Variants in KCNJ3 observed in about 807,000 individuals in gnomAD.
The protein encoded by KCNJ3 is potassium inwardly rectifying channel subfamily J member 3, also known as G protein-activated inward rectifier potassium channel 1.
In KCNJ3, 4 loss-of-function variants were observed where a neutral mutation model predicts 39.2. The ratio of observed to expected loss-of-function variants is 0.10; its 90% confidence interval spans 0.05 to 0.23. The LOEUF (loss-of-function observed/expected upper bound fraction) is 0.23. Among genes scored for constraint, KCNJ3 ranks in the 10% least tolerant of loss-of-function variants. KCNJ3 has a pLI of 1.00. For missense variants in KCNJ3, 276 were observed against 634.9 expected, an observed-to-expected ratio of 0.43 and a Z score of 6.08; for synonymous variants, 230 against 237.4, an observed-to-expected ratio of 0.97 and a Z score of 0.29.
chr2:154,786,547 G>A (rs142896154), intron 2 of KCNJ3, among the ~76,000 whole-genome samples: 4 of 152,276 alleles, frequency 2.6e-5, no homozygotes, highest in Admixed American at 1.3e-4. Context: ...GTTGTTTTCA[G>A]TCAGTCAAAT....
In KCNJ3 at chr2:154,699,529, G is replaced by T; in HGVS notation, c.702+52G>T. On this transcript the variant is annotated intron_variant, in intron 1 of 2. Transcript: ENST00000295101. The surrounding 1 kb of genome is among the most constrained non-coding windows in gnomAD (Gnocchi z 6.4). ...CGGGAGACCTGCGTCCCCCAAACCCGCGGAGTAACTCGTCTGAGAACCAGC... is the reference window on the plus strand; with the variant it reads ...CGGGAGACCTGCGTCCCCCAAACCCTCGGAGTAACTCGTCTGAGAACCAGC... 1.3e-6 allele frequency: 2 copies of T among 1,504,674 alleles called. No homozygotes were observed. The highest frequency in any genetic ancestry group is 4.9e-5 in the East Asian group (2 of 40,812). 93.2% of individuals were successfully genotyped at this position (1,504,674 alleles called of 1,614,324 possible).
intron 2 of KCNJ3, among the ~76,000 whole-genome samples, chr2:154,841,690 T>C (rs77356952): frequency 0.2 from 30,469 of 151,906 alleles, 3,328 homozygotes; most frequent in East Asian, 0.4. Context: ...ATTTATCCAT[T>C]TTTTTTTCTA....
chr2:154,849,057 G>A (rs1027574297), intron 2 of KCNJ3, among the ~76,000 whole-genome samples: 3 of 152,090 alleles, frequency 2.0e-5, no homozygotes, highest in Non-Finnish European at 4.4e-5. Flanking sequence ...AGAGAGATGA[G>A]ATTAACAGCA....
chr2:154,792,801 G>T (rs985179753), intron 2 of KCNJ3, among the ~76,000 whole-genome samples: 1 of 152,056 alleles, frequency 6.6e-6, no homozygotes, highest in Non-Finnish European at 1.5e-5. Context: ...AAAAATATTT[G>T]CTTAGTTTAT....
intron 2 of KCNJ3, among the ~76,000 whole-genome samples, chr2:154,814,857 G>A (rs1574472290): frequency 6.6e-6 from 1 of 152,220 alleles, no homozygotes; most frequent in African/African-American, 2.4e-5. Context: ...GGAACATTTT[G>A]TAATCTTTGT....
chr2:154,822,799 A>C (rs1687206822), intron 2 of KCNJ3, among the ~76,000 whole-genome samples: 1 of 152,022 alleles, frequency 6.6e-6, no homozygotes, highest in African/African-American at 2.4e-5. Flanking sequence ...GTATACCAAA[A>C]ATAGTTGAAT....
intron 2 of KCNJ3, among the ~76,000 whole-genome samples, chr2:154,721,503 A>T (rs1277301282): frequency 6.6e-6 from 1 of 152,160 alleles, no homozygotes; most frequent in African/African-American, 2.4e-5. Flanking sequence ...ATTTGAACTG[A>T]TCATTTAATC....
At chr2:154,820,631 T>G (rs963279520) in intron 2 of KCNJ3, among the ~76,000 whole-genome samples, 1 of 152,164 alleles carries the variant, frequency 6.6e-6, no homozygotes, top group Non-Finnish European at 1.5e-5. Context: ...AGAAACTTTC[T>G]GTCTTCTAGT....
In KCNJ3 at chr2:154,856,355, C is replaced by CAT. The variant is rs1687839095; in HGVS notation, c.*1043_*1044dup. 6.6e-6 allele frequency: 1 copy of CAT among 152,506 alleles called. No individual in the cohort carries two copies. The highest frequency in any genetic ancestry group is 1.5e-5 in the Non-Finnish European group (1 of 67,980). The allele number at this position is 152,506 out of a possible 1,614,324, so 9.4% of individuals were successfully genotyped here. On this transcript the variant is annotated 3_prime_UTR_variant, in exon 3 of 3. Transcript: ENST00000295101. ...TGTTTCAAACTGAGTAAATTGGAAA[C>CAT]ATTTTCTTTCTTTTTCTGGAAATTT...
intron 2 of KCNJ3, among the ~76,000 whole-genome samples, chr2:154,839,343 A>G (rs1370341392): frequency 6.6e-6 from 1 of 152,214 alleles, no homozygotes; most frequent in Non-Finnish European, 1.5e-5. Flanking sequence ...ATTGATGGAC[A>G]TTTGGGTTGG....
chr2:154,699,932 T>C lies in KCNJ3; in HGVS notation c.702+455T>C, dbSNP rs3111032. Reference sequence around the variant, plus strand: ...GCTGAACTTGCCTCAACTTTCACGATGGGCTTTTCTTATTTTTTTCTTTCC... The same window carrying C: ...GCTGAACTTGCCTCAACTTTCACGACGGGCTTTTCTTATTTTTTTCTTTCC... On this transcript the variant is annotated intron_variant, in intron 1 of 2. Coordinates refer to ENST00000295101, the MANE Select transcript of KCNJ3 (RefSeq NM_002239.4). This position sits in a 1 kb window ranked among gnomAD's most constrained non-coding sequence, Gnocchi z 6.4. 0.019 allele frequency among the ~76,000 whole-genome samples: 2,917 copies of C among 152,290 alleles called. 28 individuals carry two copies. The highest frequency in any genetic ancestry group is 0.029 in the South Asian group (141 of 4,834).
intron 2 of KCNJ3, among the ~76,000 whole-genome samples, chr2:154,807,893 C>T (rs951171615): frequency 3.3e-5 from 5 of 152,026 alleles, no homozygotes; most frequent in African/African-American, 9.7e-5. Flanking sequence ...TGTCTCTCCC[C>T]ACTCTATCCC....
At chr2:154,743,105 C>T (rs1283895026) in intron 2 of KCNJ3, among the ~76,000 whole-genome samples, 1 of 151,784 alleles carries the variant, frequency 6.6e-6, no homozygotes, top group Admixed American at 6.6e-5. Context: ...TTTCTTAGCA[C>T]CACTTGTAGC....
intron 2 of KCNJ3, among the ~76,000 whole-genome samples, chr2:154,722,991 A>G (rs1270829370): frequency 6.6e-6 from 1 of 152,140 alleles, no homozygotes; most frequent in Non-Finnish European, 1.5e-5. Context: ...ATGAAAATGC[A>G]GGAAATAGGC....
intron 2 of KCNJ3, among the ~76,000 whole-genome samples, chr2:154,712,830 A>G (rs1400791437): frequency 1.3e-5 from 2 of 152,078 alleles, no homozygotes; most frequent in Admixed American, 6.6e-5. Flanking sequence ...ATAGGGATAA[A>G]GGGTTCCTGT....
intron 2 of KCNJ3, among the ~76,000 whole-genome samples, chr2:154,737,405 G>GTA (rs750957348): frequency 4.6e-5 from 7 of 152,142 alleles, no homozygotes; most frequent in African/African-American, 1.2e-4. Flanking sequence ...ACCTAACAAT[G>GTA]TAAAGTTCAC....
intron 2 of KCNJ3, among the ~76,000 whole-genome samples, chr2:154,710,642 T>C (rs1685089705): frequency 6.6e-6 from 1 of 152,206 alleles, no homozygotes; most frequent in Non-Finnish European, 1.5e-5. Flanking sequence ...TGTATGTGTA[T>C]GTGTGTATTT....
At chr2:154,742,012 G>A (rs1365717179) in intron 2 of KCNJ3, among the ~76,000 whole-genome samples, 1 of 151,644 alleles carries the variant, frequency 6.6e-6, no homozygotes, top group Non-Finnish European at 1.5e-5. Context: ...CTGAAGCTCT[G>A]TACCTGTTAA....
At chr2:154,780,568 A>C (rs1686420375) in intron 2 of KCNJ3, among the ~76,000 whole-genome samples, 1 of 151,256 alleles carries the variant, frequency 6.6e-6, no homozygotes, top group African/African-American at 2.4e-5. Flanking sequence ...AGAGGAACCT[A>C]GTTATTAGTG....
Sources: gnomAD v4.1 joint callset for allele counts (sites outside exome capture counted in the v4.1 genomes callset) on GRCh38, gnomAD v4.1.1 for gene constraint, Gnocchi (gnomAD v3.1) non-coding constraint, MANE v1.5 for transcripts, NCBI Gene and HGNC (gene_info 2026-07-23, HGNC 2026-07-21) for gene names.